Variants in TPD52 observed in about 807,000 individuals in gnomAD.
The protein encoded by TPD52 is tumor protein D52.
In TPD52, 17 loss-of-function variants were observed where a neutral mutation model predicts 31.3. The ratio of observed to expected loss-of-function variants is 0.54; its 90% CI spans 0.37 to 0.82. TPD52 has a LOEUF of 0.82. Among genes scored for constraint, TPD52 ranks in the 40% least tolerant of loss-of-function variants. The pLI, the probability that TPD52 is intolerant of heterozygous loss-of-function variation, is 0.00. For missense variants in TPD52, 212 were observed against 240.1 expected (o/e 0.88, Z 0.77); for synonymous variants, 83 against 89.6 (o/e 0.93, Z 0.42).
chr8:80,150,373 A>T (rs1055502047), intron 1 of TPD52, among the ~76,000 whole-genome samples: 2 of 152,216 alleles, frequency 1.3e-5, no homozygotes, highest in African/African-American at 4.8e-5. Context: ...GCAGTGCAGG[A>T]GCGAAATGTG....
At chr8:80,164,493 G>T (rs1811582926) in intron 1 of TPD52, among the ~76,000 whole-genome samples, 1 of 152,096 alleles carries the variant, frequency 6.6e-6, no homozygotes, top group Non-Finnish European at 1.5e-5. Context: ...ATTGAGGAAA[G>T]ATTTAAACAT....
chr8:80,053,931 G>A (rs1213505716), intron 2 of TPD52, among the ~76,000 whole-genome samples: 6 of 152,164 alleles, frequency 3.9e-5, no homozygotes, highest in African/African-American at 1.4e-4. Flanking sequence ...TTTGATATGA[G>A]TATATATACT....
intron 7 of TPD52, among the ~76,000 whole-genome samples, chr8:80,041,250 C>T (rs1025811536): frequency 6.6e-6 from 1 of 151,878 alleles, no homozygotes; most frequent in African/African-American, 2.4e-5. Flanking sequence ...ATGTAACAAG[C>T]CTGCACATTC....
intron 5 of TPD52, among the ~76,000 whole-genome samples, 191 bp from the exon 6 acceptor site, chr8:80,044,399 T>C (rs1810647101): frequency 6.6e-6 from 1 of 152,198 alleles, no homozygotes. Flanking sequence ...AGCCAATTAA[T>C]TCCCAGGAGT....
intron 5 of TPD52, among the ~76,000 whole-genome samples, chr8:80,047,061 A>G: frequency 6.6e-6 from 1 of 152,168 alleles, no homozygotes; most frequent in East Asian, 1.9e-4. Context: ...GCCCTCACAC[A>G]ATCTTTTGAT....
chr8:80,081,742 T>C (rs1379403126), intron 1 of TPD52, among the ~76,000 whole-genome samples: 2 of 151,986 alleles, frequency 1.3e-5, no homozygotes, highest in East Asian at 1.9e-4. Context: ...ACAGAATATA[T>C]GCTGGATGAT....
intron 1 of TPD52, among the ~76,000 whole-genome samples, chr8:80,135,321 T>G (rs902493881): frequency 6.6e-6 from 1 of 152,144 alleles, no homozygotes; most frequent in African/African-American, 2.4e-5. Flanking sequence ...AGTTTCATTT[T>G]CACCTCCCAC....
Position 80,053,341 on chromosome 8 carries a change from A to G in TPD52, c.225T>C (p.Ser75=). 2 of 1,613,794 alleles carry G rather than the reference A, an allele frequency of 1.2e-6. No homozygotes were observed. Among genetic ancestry groups the G allele is most frequent in the South Asian group, 2.2e-5 (2 of 91,082 alleles). The change falls in exon 3 of 8, where the codon TCT becomes TCC. Residue 75 remains serine (S), a synonymous_variant. Transcript: ENST00000518937. The part of the protein sequence containing the change: ...AEIKRKLGIN[S]LQELKQNIAK... ...CAATGTTCTGTTTTAGTTCCTGTAG[A>G]GAATTGATTCCAAGTTTCCGCTTGA...
intron 1 of TPD52, chr8:80,080,377 T>G: frequency 1.2e-6 from 2 of 1,614,210 alleles, no homozygotes; most frequent in Non-Finnish European, 8.5e-7. Flanking sequence ...CAAGTAGAGA[T>G]AGCTTTTGTT....
chr8:80,085,414 A>G (rs1440335468), intron 1 of TPD52, among the ~76,000 whole-genome samples: 2 of 152,232 alleles, frequency 1.3e-5, no homozygotes, highest in Admixed American at 1.3e-4. Flanking sequence ...AACTTGAAAG[A>G]CATATAAAGG....
At chr8:80,171,281 G>C (rs1004541972) in intron 1 of TPD52, 144 bp downstream of exon 1, 4 of 1,065,100 alleles carry the variant, frequency 3.8e-6, no homozygotes, top group Non-Finnish European at 5.6e-6. Flanking sequence ...ATCCGGATCC[G>C]GGAGATGCAA....
chr8:80,138,403 T>C (rs1188982304), intron 1 of TPD52, among the ~76,000 whole-genome samples: 1 of 151,968 alleles, frequency 6.6e-6, no homozygotes, highest in East Asian at 1.9e-4. Context: ...GAAAATGGGG[T>C]TCATATCATT....
At chr8:80,075,285 G>C (rs1353347440) in intron 1 of TPD52, among the ~76,000 whole-genome samples, 1 of 152,034 alleles carries the variant, frequency 6.6e-6, no homozygotes, top group Non-Finnish European at 1.5e-5. Context: ...CCAATGTCTG[G>C]GTTATTAAAG....
At chr8:80,147,092 G>A (rs990078654) in intron 1 of TPD52, among the ~76,000 whole-genome samples, 1 of 152,144 alleles carries the variant, frequency 6.6e-6, no homozygotes, top group African/African-American at 2.4e-5. Context: ...TGGCCTACAT[G>A]GGCAGGCATA....
At chr8:80,146,497 T>C (rs145117286) in intron 1 of TPD52, among the ~76,000 whole-genome samples, 1 of 152,184 alleles carries the variant, frequency 6.6e-6, no homozygotes, top group Non-Finnish European at 1.5e-5. Context: ...TAAAACAAAC[T>C]ACCTAAGGCC....
At chr8:80,091,464 CAA>C (rs58616020) in intron 1 of TPD52, among the ~76,000 whole-genome samples, 247 of 121,798 alleles carry the variant, frequency 2.0e-3, no homozygotes, top group African/African-American at 2.0e-3. Flanking sequence ...GACTCCATCT[CAA>C]AAAAAAAAAA....
At chr8:80,150,194 C>G (rs917908269) in intron 1 of TPD52, among the ~76,000 whole-genome samples, 1 of 152,238 alleles carries the variant, frequency 6.6e-6, no homozygotes, top group African/African-American at 2.4e-5. Context: ...AGGGTGCAAG[C>G]CCCAAGCCTT....
At chr8:80,089,710 C>T (rs1476668490) in intron 1 of TPD52, among the ~76,000 whole-genome samples, 2 of 152,172 alleles carry the variant, frequency 1.3e-5, no homozygotes, top group Non-Finnish European at 2.9e-5. Context: ...TTACTATGTG[C>T]CAGACATTCT....
At chr8:80,057,914 G>A (rs949104202) in intron 2 of TPD52, among the ~76,000 whole-genome samples, 1 of 152,010 alleles carries the variant, frequency 6.6e-6, no homozygotes, top group African/African-American at 2.4e-5. Context: ...TCATATAGCT[G>A]GTAACTTCAT....
Sources: allele counts gnomAD v4.1 joint callset (sites outside exome capture counted in the v4.1 genomes callset), GRCh38; gene constraint gnomAD v4.1.1; transcripts MANE v1.5; gene names NCBI Gene and HGNC (gene_info 2026-07-23, HGNC 2026-07-21).